Variants in MARCHF3 observed in about 807,000 individuals in gnomAD.
The protein encoded by MARCHF3 is membrane associated ring-CH-type finger 3.
MARCHF3 carries 13 observed loss-of-function variants against 24.2 expected under a neutral mutation model. That is an observed-to-expected ratio of 0.54 (90% confidence interval 0.35 to 0.85). MARCHF3 has a LOEUF of 0.85. Ranked by LOEUF, MARCHF3 falls within the 40% of genes least tolerant of loss-of-function variation. MARCHF3 has a pLI of 0.01. For missense variants in MARCHF3, 276 were observed against 325.0 expected, an observed-to-expected ratio of 0.85 and a Z score of 1.16; for synonymous variants, 144 against 137.3, an observed-to-expected ratio of 1.05 and a Z score of -0.34.
chr5:126,876,730 A>C (rs1349547333), intron 4 of MARCHF3, among the ~76,000 whole-genome samples: 1 of 151,746 alleles, frequency 6.6e-6, no homozygotes, highest in Non-Finnish European at 1.5e-5. Context: ...GGCTCAGTGC[A>C]ACTCTGCCTT....
intron 3 of MARCHF3, among the ~76,000 whole-genome samples, chr5:126,904,609 CTT>C (rs1327148205): frequency 1.3e-5 from 2 of 149,966 alleles, no homozygotes; most frequent in African/African-American, 2.5e-5. Flanking sequence ...GCATGAATGT[CTT>C]CTTTTGAGAA....
Position 126,878,285 on chromosome 5 carries a change from C to G in MARCHF3, c.503G>C (p.Arg168Pro). Reference sequence around the variant, plus strand: ...AAAGTGCAGGTGGTCCACGGCGCCCCGCAGGCACAGCCAGCCCGAGATGGT... The same window carrying G: ...AAAGTGCAGGTGGTCCACGGCGCCCGGCAGGCACAGCCAGCCCGAGATGGT... The part of the protein sequence containing the change: ...LATISGWLCL[R>P]GAVDHLHFSS... Residue 168 changes from arginine to proline, a missense_variant, in exon 4 of 5, where the codon CGG (arginine) becomes CCG (proline). Physicochemically the swap from Arg to Pro is moderately radical, Grantham distance 103. Coordinates refer to ENST00000308660, the MANE Select transcript of MARCHF3 (RefSeq NM_178450.5). 6.2e-7 allele frequency: 1 copy of G among 1,614,208 alleles called. No homozygotes were observed. Among genetic ancestry groups the G allele is most frequent in the Non-Finnish European group, 8.5e-7 (1 of 1,180,034 alleles).
At chr5:126,889,810 C>T (rs1013084833) in intron 3 of MARCHF3, among the ~76,000 whole-genome samples, 2 of 152,178 alleles carry the variant, frequency 1.3e-5, no homozygotes, top group Admixed American at 6.5e-5. Context: ...TCATGCACCA[C>T]GATGGAGGTG....
chr5:126,900,362 G>A (rs1028260223), intron 3 of MARCHF3, among the ~76,000 whole-genome samples: 4 of 151,976 alleles, frequency 2.6e-5, no homozygotes, highest in African/African-American at 9.7e-5. Context: ...TTAGGAAGTG[G>A]GGCCTTTGGG....
At chr5:126,919,835 G>A (rs539727527) in intron 1 of MARCHF3, among the ~76,000 whole-genome samples, 6 of 152,232 alleles carry the variant, frequency 3.9e-5, no homozygotes, top group East Asian at 3.9e-4. Flanking sequence ...CAGGGTCTGC[G>A]TCTGCCTTTG....
chr5:126,876,157 T>TTTTCTTCC (rs1196305469), intron 4 of MARCHF3, among the ~76,000 whole-genome samples: 1 of 152,202 alleles, frequency 6.6e-6, no homozygotes, highest in Non-Finnish European at 1.5e-5. Flanking sequence ...ATAACCTTTC[T>TTTTCTTCC]TTTCTTCCTT....
chr5:127,012,995 A>T (rs1752517488), intron 1 of MARCHF3, among the ~76,000 whole-genome samples: 1 of 152,204 alleles, frequency 6.6e-6, no homozygotes, highest in Non-Finnish European at 1.5e-5. Context: ...TCCAAAACAG[A>T]TGTCAGGAGT....
rs1381214752 is a variant in MARCHF3, at chr5:126,869,170, G to T, written c.*1463C>A. 1 of 152,262 alleles carries T rather than the reference G, an allele frequency of 6.6e-6. No homozygotes were observed. Among genetic ancestry groups the T allele is most frequent in the African/African-American group, 2.4e-5 (1 of 41,466 alleles). The allele number at this position is 152,262 out of a possible 1,614,324, so 9.4% of individuals were successfully genotyped here. On this transcript the variant is annotated 3_prime_UTR_variant, in exon 5 of 5. Coordinates refer to ENST00000308660, the MANE Select transcript of MARCHF3 (RefSeq NM_178450.5). ...GACAAAAATCGCTACCCTCCTCGCT[G>T]CCTGTTCCTTTGCACTTCTCGTTTT...
intron 1 of MARCHF3, among the ~76,000 whole-genome samples, chr5:126,974,476 T>A (rs1347721794): frequency 3.3e-5 from 5 of 152,238 alleles, no homozygotes; most frequent in Non-Finnish European, 7.3e-5. Context: ...GCTCTCTGGG[T>A]AATCAGAGGC....
At chr5:126,928,266 T>C (rs981022244) in intron 1 of MARCHF3, among the ~76,000 whole-genome samples, 2 of 152,206 alleles carry the variant, frequency 1.3e-5, no homozygotes, top group African/African-American at 4.8e-5. Flanking sequence ...AAAATACATG[T>C]AGCCAGATAA....
intron 1 of MARCHF3, among the ~76,000 whole-genome samples, chr5:126,981,698 C>A (rs1489628434): frequency 6.6e-6 from 1 of 152,192 alleles, no homozygotes; most frequent in Non-Finnish European, 1.5e-5. Flanking sequence ...CTCACTATAC[C>A]AGCAAATTGA....
intron 1 of MARCHF3, among the ~76,000 whole-genome samples, chr5:126,975,898 T>C (rs1184305471): frequency 6.6e-6 from 1 of 152,222 alleles, no homozygotes; most frequent in Non-Finnish European, 1.5e-5. Context: ...ACAGACCTCA[T>C]TTTCTCTCTT....
At chr5:127,012,373 T>C (rs1047017954) in intron 1 of MARCHF3, among the ~76,000 whole-genome samples, 1 of 152,202 alleles carries the variant, frequency 6.6e-6, no homozygotes. Flanking sequence ...TGCCACATTA[T>C]GTCAGTACCT....
chr5:126,919,339 T>TG (rs1444017262), intron 1 of MARCHF3, among the ~76,000 whole-genome samples: 2 of 152,198 alleles, frequency 1.3e-5, no homozygotes, highest in African/African-American at 4.8e-5. Context: ...AGTGCTAGCC[T>TG]GCTCACCTCA....
chr5:126,878,488 A>G, intron 3 of MARCHF3, 94 bp from the exon 4 acceptor site: 1 of 1,292,838 alleles, frequency 7.7e-7, no homozygotes, highest in Non-Finnish European at 1.1e-6. Flanking sequence ...CTTTGCCTTC[A>G]GAACCTTGGG....
chr5:126,907,945 G>T (rs1273353444), intron 3 of MARCHF3, among the ~76,000 whole-genome samples: 473 of 129,248 alleles, frequency 3.7e-3, no homozygotes, highest in South Asian at 7.6e-3. Context: ...GCATGATTTT[G>T]CAGCGGCTGG....
In MARCHF3 at chr5:126,870,670, T is replaced by G. The variant is rs749993038; in HGVS notation, c.725A>C (p.His242Pro). The G allele has an allele frequency of 6.2e-7, 1 of 1,614,008 alleles. No individual in the cohort carries two copies. Among genetic ancestry groups the G allele is most frequent in the Non-Finnish European group, 8.5e-7 (1 of 1,180,034 alleles). ...PSNQPSLLGL[H>P]SVKRNSKETV... ...CTCCTTTGAGTTCCTCTTGACCGAA[T>G]GGAGGCCCAGCAAGGACGGCTGGTT... is the stretch of plus-strand genomic sequence containing the variant. Residue 242 changes from histidine to proline, a missense_variant, in exon 5 of 5, where the codon CAT becomes CCT. His to Pro is a moderately conservative substitution (Grantham distance 77, BLOSUM62 -2). Transcript: ENST00000308660.
chr5:127,019,345 C>A (rs1752725743), intron 1 of MARCHF3, among the ~76,000 whole-genome samples: 5 of 152,152 alleles, frequency 3.3e-5, no homozygotes, highest in Admixed American at 3.3e-4. Flanking sequence ...CATCCCCCAA[C>A]ATACCTATAC....
chr5:126,953,173 C>T (rs1163231660), intron 1 of MARCHF3, among the ~76,000 whole-genome samples: 1 of 152,116 alleles, frequency 6.6e-6, no homozygotes, highest in African/African-American at 2.4e-5. Context: ...GTTCTAATTG[C>T]CTTTTTTTCT....
Sources: gnomAD v4.1 joint callset for allele counts (sites outside exome capture counted in the v4.1 genomes callset) on GRCh38, gnomAD v4.1.1 for gene constraint, MANE v1.5 for transcripts, NCBI Gene and HGNC (gene_info 2026-07-23, HGNC 2026-07-21) for gene names.